Variants in B4GALNT2 observed in about 807,000 individuals in gnomAD.
B4GALNT2 encodes beta-1,4-N-acetyl-galactosaminyltransferase 2 (SID blood group), also known as N-acetylneuraminylgalactosylglucosyl-glucoside beta-1,4-N- acetylgalactosaminyltransferase 2.
In B4GALNT2, 42 loss-of-function variants were observed where a neutral mutation model predicts 51.1. The ratio of observed to expected loss-of-function variants is 0.82; its 90% confidence interval spans 0.64 to 1.06. B4GALNT2 has a LOEUF of 1.06. B4GALNT2 is among the 50% of genes least tolerant of loss of function. The pLI is 0.00. For missense variants in B4GALNT2, 602 were observed against 633.6 expected (o/e 0.95, Z 0.54); for synonymous variants, 253 against 251.7 (o/e 1.01, Z -0.05).
intron 1 of B4GALNT2, chr17:49,133,051 G>C (rs780338935): frequency 2.7e-6 from 4 of 1,499,494 alleles, no homozygotes; most frequent in Non-Finnish European, 2.7e-6. Flanking sequence ...TTTTCCGTGG[G>C]AAAATTCCAC....
intron 1 of B4GALNT2, among the ~76,000 whole-genome samples, chr17:49,138,710 C>T (rs983929304): frequency 6.6e-6 from 1 of 152,106 alleles, no homozygotes; most frequent in African/African-American, 2.4e-5. Context: ...AACCCCGTCT[C>T]CACTAAAAAT....
rs72099584 is a variant in B4GALNT2, at chr17:49,142,700, GCAAAAACAAAAA to G, written c.353+547_353+558del. On this transcript the variant is annotated intron_variant, in intron 3 of 10. Transcript: ENST00000393354. ...GATTGAAACTGTGTCTCCAACAAAAGCAAAAACAAAAACAAAAACAAAAACAAAAAAAACAAA... is the reference window on the plus strand; with the variant it reads ...GATTGAAACTGTGTCTCCAACAAAAGCAAAAACAAAAACAAAAAAAACAAA... 5.3e-5 allele frequency among the ~76,000 whole-genome samples: 8 copies of G among 151,040 alleles called. No individual in the cohort carries two copies. In the South Asian group the frequency reaches 8.4e-4, roughly 16 times the overall value.
At chr17:49,140,637 A>AT (rs112674281) in intron 1 of B4GALNT2, among the ~76,000 whole-genome samples, 9,868 of 151,634 alleles carry the variant, frequency 0.065, 450 homozygotes, top group Middle Eastern at 0.13. Context: ...GGTATCATGC[A>AT]TTGATCACTA....
At chr17:49,158,325 A>G (rs1340038082) in intron 5 of B4GALNT2, among the ~76,000 whole-genome samples, 1 of 152,216 alleles carries the variant, frequency 6.6e-6, no homozygotes, top group Non-Finnish European at 1.5e-5. Context: ...GAGACTTACT[A>G]CAATGTGACC....
rs537647143 is a variant in B4GALNT2 at position 49,140,681 on chromosome 17, T to C, written c.15-566T>C. Among the ~76,000 whole-genome samples the C allele has an allele frequency of 7.9e-5, 12 of 152,284 alleles. No homozygotes were observed. In the South Asian group the frequency reaches 2.5e-3, roughly 32 times the overall value. On this transcript the variant is annotated intron_variant, in intron 1 of 10. Transcript: ENST00000393354. Reference sequence around the variant, plus strand: ...CTTTCTGTCCTATTTAATACTCTTTTTTATTGCCTTGAATTTAGCTATGCT... The same window carrying C: ...CTTTCTGTCCTATTTAATACTCTTTCTTATTGCCTTGAATTTAGCTATGCT...
the B4GALNT2 span, among the ~76,000 whole-genome samples, chr17:49,126,650 CTTTTT>C: frequency 6.0e-4 from 53 of 88,006 alleles, 1 homozygote; most frequent in Admixed American, 8.1e-4. Context: ...TTCTTTCTTT[CTTTTT>C]TTTTTTTTTT....
the B4GALNT2 span, among the ~76,000 whole-genome samples, chr17:49,124,573 C>A: frequency 2.6e-5 from 4 of 152,156 alleles, no homozygotes; most frequent in East Asian, 7.7e-4. Context: ...GGAACACATA[C>A]CAATAACATA....
chr17:49,154,905 A>G (rs2042793514), intron 4 of B4GALNT2, among the ~76,000 whole-genome samples: 1 of 152,196 alleles, frequency 6.6e-6, no homozygotes, highest in Non-Finnish European at 1.5e-5. Flanking sequence ...TACTATGAGA[A>G]CAGAGATAGA....
chr17:49,141,347 A>G lies in B4GALNT2; in HGVS notation c.115A>G (p.Ser39Gly), dbSNP rs1365560245. The part of the protein sequence containing the change: ...GSMFLQAVFS[S>G]PKPELPSPAP... ...CATGTTCCTTCAAGCAGTGTTCAGC[A>G]GCCCCAAGCCAGAACTCCCAAGTCC... Residue 39 changes from serine to glycine, a missense_variant, in exon 2 of 11, where the codon AGC becomes GGC. Transcript: ENST00000393354. 6.2e-7 allele frequency: 1 copy of G among 1,614,180 alleles called. No homozygotes were observed.
At chr17:49,163,239 A>G (rs982583780) in intron 7 of B4GALNT2, among the ~76,000 whole-genome samples, 3 of 152,188 alleles carry the variant, frequency 2.0e-5, no homozygotes, top group African/African-American at 7.2e-5. Context: ...CACATGCCTT[A>G]AGATGGACAA....
At position 49,174,430 on chromosome 17, in the gene B4GALNT2, C is replaced by T. The variant is rs959753772; in HGVS notation, c.*4702C>T. On this transcript the variant is annotated 3_prime_UTR_variant, in exon 11 of 11. Coordinates refer to ENST00000393354, the MANE Select transcript of B4GALNT2 (RefSeq NM_001159387.2). ...TAAATGCAAACCATTCACAGTCCTG[C>T]TCAGCTAAGGGGATAGTAAAGAAAC... 6.6e-6 allele frequency: 1 copy of T among 152,122 alleles called. No homozygotes were observed. The highest frequency in any genetic ancestry group is 2.4e-5 in the African/African-American group (1 of 41,426). 9.4% of individuals were successfully genotyped at this position (152,122 alleles called of 1,614,324 possible).
chr17:49,163,513 T>C (rs1431589052), intron 7 of B4GALNT2, among the ~76,000 whole-genome samples: 1 of 152,072 alleles, frequency 6.6e-6, no homozygotes, highest in Non-Finnish European at 1.5e-5. Context: ...CCCAGCACTT[T>C]AGGAGGCCGA....
chr17:49,160,758 C>A, intron 7 of B4GALNT2, 117 bp downstream of exon 7: 1 of 933,380 alleles, frequency 1.1e-6, no homozygotes, highest in Non-Finnish European at 1.7e-6. Flanking sequence ...CTCTGATATG[C>A]TCCCTGACAA....
chr17:49,154,804 C>T (rs1178143680), intron 4 of B4GALNT2, among the ~76,000 whole-genome samples: 2 of 151,880 alleles, frequency 1.3e-5, no homozygotes, highest in Middle Eastern at 3.2e-3. Flanking sequence ...AGACAGGGGA[C>T]AAAGGGGACA....
At chr17:49,127,304 T>C in the B4GALNT2 span, among the ~76,000 whole-genome samples, 1 of 152,226 alleles carries the variant, frequency 6.6e-6, no homozygotes, top group East Asian at 1.9e-4. Flanking sequence ...GATTATTCTG[T>C]TTGGGCTGAG....
intron 1 of B4GALNT2, among the ~76,000 whole-genome samples, chr17:49,135,947 G>C (rs1474084323): frequency 1.3e-5 from 2 of 151,984 alleles, no homozygotes; most frequent in African/African-American, 4.8e-5. Context: ...GCCAGGTGTG[G>C]AGGTGCGTGC....
chr17:49,137,770 T>A (rs1419920677), intron 1 of B4GALNT2, among the ~76,000 whole-genome samples: 4 of 152,178 alleles, frequency 2.6e-5, no homozygotes, highest in African/African-American at 9.7e-5. Flanking sequence ...AGTTACCCAC[T>A]AAAATTTAAG....
At position 49,160,573 on chromosome 17, in the gene B4GALNT2, C is replaced by T; in HGVS notation, c.698C>T (p.Ser233Phe). The T allele has an allele frequency of 6.2e-7, 1 of 1,614,040 alleles. No individual in the cohort carries two copies. Among genetic ancestry groups the T allele is most frequent in the Non-Finnish European group, 8.5e-7 (1 of 1,179,948 alleles). Residue 233 changes from serine (S) to phenylalanine (F), a missense_variant, in exon 7 of 11, where the codon TCC (serine) becomes TTC (phenylalanine). Transcript: ENST00000393354. Reference sequence around the variant, plus strand: ...CCTCCAGTGAGTCTGGAGTCCAGGTCCTCAGTGGCCAAGTTTCCAGTGACC... The same window carrying T: ...CCTCCAGTGAGTCTGGAGTCCAGGTTCTCAGTGGCCAAGTTTCCAGTGACC... ...KVDIVSLESR[S>F]SVAKFPVTIR...
the B4GALNT2 span, among the ~76,000 whole-genome samples, chr17:49,127,398 T>C: frequency 6.6e-6 from 1 of 152,202 alleles, no homozygotes; most frequent in Non-Finnish European, 1.5e-5. Context: ...GATTAATAAA[T>C]GCAAACAAAA....
Sources: gnomAD v4.1 joint callset for allele counts (sites outside exome capture counted in the v4.1 genomes callset) on GRCh38, gnomAD v4.1.1 for gene constraint, MANE v1.5 for transcripts, NCBI Gene and HGNC (gene_info 2026-07-23, HGNC 2026-07-21) for gene names.